Variants in IGFL2 observed in about 807,000 individuals in gnomAD.
IGFL2 encodes the protein IGF like family member 2.
Under a neutral mutation model 13.9 loss-of-function variants are expected in IGFL2, and 7 were observed. The observed-to-expected ratio is 0.51, with a 90% CI of 0.29 to 0.95. IGFL2 has a LOEUF of 0.95. IGFL2 is among the 40% of genes least tolerant of loss of function. The pLI is 0.08. For missense variants in IGFL2, 138 were observed against 147.8 expected (o/e 0.93, Z 0.34); for synonymous variants, 55 against 55.8 (o/e 0.99, Z 0.07).
chr19:46,150,876 A>G (rs371717927), intron 1 of IGFL2, among the ~76,000 whole-genome samples: 182 of 152,272 alleles, frequency 1.2e-3, no homozygotes, highest in African/African-American at 4.1e-3. Flanking sequence ...TGTGTTGCCC[A>G]GGCCGGTCTC....
At chr19:46,163,583 C>G (rs1434756468), downstream of IGFL2, among the ~76,000 whole-genome samples, 1 of 152,152 alleles carries the variant, frequency 6.6e-6, no homozygotes, top group Non-Finnish European at 1.5e-5. Context: ...GCCTTTGCTC[C>G]TTTGTTAGTC....
the IGFL2 span, among the ~76,000 whole-genome samples, chr19:46,206,049 C>T: frequency 6.6e-6 from 1 of 152,208 alleles, no homozygotes. Context: ...AATAGCTTAT[C>T]TGACCCTTTG....
the IGFL2 span, among the ~76,000 whole-genome samples, chr19:46,183,635 A>G: frequency 1.3e-5 from 2 of 151,726 alleles, no homozygotes; most frequent in African/African-American, 4.9e-5. Flanking sequence ...TCCTGGGTTC[A>G]AGCAATTCTC....
upstream of IGFL2, among the ~76,000 whole-genome samples, chr19:46,143,507 C>T (rs1000309826): frequency 5.3e-5 from 8 of 151,312 alleles, no homozygotes; most frequent in African/African-American, 1.9e-4. Context: ...CTCAAGCAAT[C>T]CTCCTGCTTC....
At chr19:46,166,418 G>T in the IGFL2 span, among the ~76,000 whole-genome samples, 3 of 152,138 alleles carry the variant, frequency 2.0e-5, no homozygotes, top group African/African-American at 7.2e-5. Flanking sequence ...ATTTAACAGG[G>T]TAATAGAATA....
the IGFL2 span, among the ~76,000 whole-genome samples, chr19:46,078,844 A>G: frequency 5.6e-3 from 831 of 148,962 alleles, 5 homozygotes; most frequent in Non-Finnish European, 9.1e-3. Context: ...AGGCGTCGTC[A>G]GTAGACATCG....
At chr19:46,137,170 T>C in the IGFL2 span, 1 of 1,607,802 alleles carries the variant, frequency 6.2e-7, no homozygotes, top group South Asian at 1.1e-5. Context: ...GCATGAAGTT[T>C]TTGATGCCCA....
the IGFL2 span, among the ~76,000 whole-genome samples, chr19:46,087,508 C>T: frequency 1.3e-5 from 2 of 152,192 alleles, no homozygotes; most frequent in African/African-American, 4.8e-5. Flanking sequence ...TAGGCACTGG[C>T]TCTGGTAATC....
At chr19:46,140,628 A>T (rs2146800899), upstream of IGFL2, among the ~76,000 whole-genome samples, 1 of 152,314 alleles carries the variant, frequency 6.6e-6, no homozygotes. Context: ...AACAACTCTT[A>T]GATAAGTGGG....
the IGFL2 span, among the ~76,000 whole-genome samples, chr19:46,126,701 C>T: frequency 1.0e-3 from 154 of 152,320 alleles, 1 homozygote; most frequent in African/African-American, 3.5e-3. Flanking sequence ...GCACACACAA[C>T]ACACAAGCCA....
chr19:46,087,860 G>A, the IGFL2 span, among the ~76,000 whole-genome samples: 1 of 152,202 alleles, frequency 6.6e-6, no homozygotes, highest in South Asian at 2.1e-4. Context: ...TTGGCCCAGG[G>A]AAGGATGCAG....
the IGFL2 span, among the ~76,000 whole-genome samples, chr19:46,198,684 A>G: frequency 2.6e-5 from 4 of 152,212 alleles, no homozygotes; most frequent in South Asian, 2.1e-4. Context: ...TTTGGTCACC[A>G]AAGCCCCTTT....
chr19:46,109,297 G>A, the IGFL2 span, among the ~76,000 whole-genome samples: 2 of 152,136 alleles, frequency 1.3e-5, no homozygotes, highest in Admixed American at 1.3e-4. Flanking sequence ...CATTCTCAAG[G>A]ATGGGGAGAA....
the IGFL2 span, among the ~76,000 whole-genome samples, chr19:46,126,661 C>T: frequency 2.0e-5 from 3 of 152,196 alleles, no homozygotes; most frequent in Non-Finnish European, 4.4e-5. Context: ...AGTAAATTTA[C>T]GTCATCGTCT....
At chr19:46,132,691 AAG>A in the IGFL2 span, among the ~76,000 whole-genome samples, 7 of 64,540 alleles carry the variant, frequency 1.1e-4, no homozygotes, top group Non-Finnish European at 3.3e-4. Context: ...AGGGAGAGGA[AAG>A]AAGAAGAAAG....
chr19:46,210,620 A>G, the IGFL2 span, among the ~76,000 whole-genome samples: 1 of 152,204 alleles, frequency 6.6e-6, no homozygotes, highest in Non-Finnish European at 1.5e-5. Flanking sequence ...CACGGGAGAA[A>G]GACGTAGGCT....
chr19:46,199,860 C>T, the IGFL2 span, among the ~76,000 whole-genome samples: 2 of 152,140 alleles, frequency 1.3e-5, no homozygotes, highest in Non-Finnish European at 2.9e-5. Flanking sequence ...CATGCCTGCA[C>T]CCTTCTTCAT....
the IGFL2 span, among the ~76,000 whole-genome samples, chr19:46,176,184 C>CAAA: frequency 8.5e-6 from 1 of 117,516 alleles, no homozygotes; most frequent in Non-Finnish European, 1.8e-5. Flanking sequence ...AAATTAATGC[C>CAAA]AAAAAAAAAA....
the IGFL2 span, among the ~76,000 whole-genome samples, chr19:46,125,871 A>G: frequency 6.6e-6 from 1 of 152,236 alleles, no homozygotes; most frequent in Non-Finnish European, 1.5e-5. Flanking sequence ...AGGACAAATA[A>G]TAATATCTTT....
Sources: allele counts gnomAD v4.1 joint callset (sites outside exome capture counted in the v4.1 genomes callset), GRCh38; gene constraint gnomAD v4.1.1; transcripts MANE v1.5; gene names NCBI Gene and HGNC (gene_info 2026-07-23, HGNC 2026-07-21).